Variants in GPBP1 observed in about 807,000 individuals in gnomAD.
GPBP1 encodes the protein vasculin.
In GPBP1, 13 loss-of-function variants were observed where a neutral mutation model predicts 56.5. The ratio of observed to expected loss-of-function variants is 0.23; its 90% CI spans 0.15 to 0.37. GPBP1 has a LOEUF of 0.37. GPBP1 is among the 10% of genes least tolerant of loss of function. GPBP1 has a pLI of 1.00. For missense variants in GPBP1, 477 were observed against 572.3 expected, an observed-to-expected ratio of 0.83 and a Z score of 1.70; for synonymous variants, 204 against 188.9, an observed-to-expected ratio of 1.08 and a Z score of -0.66.
At chr5:57,227,475 T>C (rs907508674) in intron 3 of GPBP1, among the ~76,000 whole-genome samples, 9 of 152,182 alleles carry the variant, frequency 5.9e-5, no homozygotes, top group Non-Finnish European at 1.2e-4. Flanking sequence ...ATTATGGCCA[T>C]GAGACACTGC....
rs1754528085 is a variant in GPBP1, at chr5:57,191,584, ACC to A, written c.-58+15185_-58+15186del. Among the ~76,000 whole-genome samples, 3 of 149,508 alleles carry A rather than the reference ACC, an allele frequency of 2.0e-5. No homozygotes were observed. The South Asian group carries it at 6.3e-4, about 32-fold the overall frequency. Reference sequence around the variant, plus strand: ...TTTTTTTTTTTTTTGTTTGTTTGAGACCGAGTGTCACTCTATCACCAGGCTGG... The same window carrying A: ...TTTTTTTTTTTTTTGTTTGTTTGAGAGAGTGTCACTCTATCACCAGGCTGG... On this transcript the variant is annotated intron_variant, in intron 2 of 11. Transcript: ENST00000506184.
At position 57,246,305 on chromosome 5, in the gene GPBP1, C is replaced by T; in HGVS notation, c.484C>T (p.Pro162Ser). The change falls in exon 7 of 12, where the codon CCT (proline) becomes TCT (serine). Residue 162 changes from proline (P) to serine (S), a missense_variant. Around this residue, in one of 2 missense-constraint regions of GPBP1, gnomAD observed 414 missense variants for 458.2 expected, o/e 0.90. Transcript: ENST00000506184. ...GTCATGCTTTATTTATGCAGAATAT[C>T]CTCCGAATCCTAAATCTAGAGCTCC... The part of the protein sequence containing the change: ...KSLAAGVWEY[P>S]PNPKSRAPRM... The T allele has an allele frequency of 6.2e-7, 1 of 1,609,912 alleles. No homozygotes were observed. The highest frequency in any genetic ancestry group is 1.3e-5 in the African/African-American group (1 of 74,860).
intron 2 of GPBP1, among the ~76,000 whole-genome samples, chr5:57,213,718 T>C (rs934283818): frequency 6.6e-6 from 1 of 152,240 alleles, no homozygotes; most frequent in Non-Finnish European, 1.5e-5. Context: ...TTTTGGGTTA[T>C]ATCAGGAAAC....
intron 3 of GPBP1, among the ~76,000 whole-genome samples, chr5:57,215,597 T>G (rs1299920653): frequency 6.6e-6 from 1 of 152,238 alleles, no homozygotes; most frequent in African/African-American, 2.4e-5. Context: ...CTTACGTATC[T>G]CTTTCTCAGG....
At chr5:57,255,237 C>A (rs1342599205) in intron 10 of GPBP1, among the ~76,000 whole-genome samples, 1 of 152,088 alleles carries the variant, frequency 6.6e-6, no homozygotes, top group East Asian at 1.9e-4. Flanking sequence ...TTCCTCTCCT[C>A]CCCTCTTCCT....
At chr5:57,232,122 T>G (rs896762841) in intron 5 of GPBP1, among the ~76,000 whole-genome samples, 1 of 152,122 alleles carries the variant, frequency 6.6e-6, no homozygotes. Context: ...GGCAGTCCTC[T>G]CTTGTCTCAG....
rs1218503376 is a variant in GPBP1 at position 57,176,067 on chromosome 5, G to A, written c.-391G>A. 1 of 398,364 alleles carries A rather than the reference G, an allele frequency of 2.5e-6. No individual in the cohort carries two copies. The highest frequency in any genetic ancestry group is 2.1e-5 in the African/African-American group (1 of 48,616). The allele number at this position is 398,364 out of a possible 1,614,324, so 24.7% of individuals were successfully genotyped here. A position where few individuals can be genotyped will look rare whatever the true frequency, so the allele number is the denominator to read the frequency against. On this transcript the variant is annotated 5_prime_UTR_variant, in exon 2 of 12. The change creates a new upstream start codon in the 5' untranslated region. Coordinates refer to ENST00000506184, the MANE Select transcript of GPBP1 (RefSeq NM_022913.4). ...TGATGTTTAGGAATGCTCTTCAGAT[G>A]TGAAATTTTCTTTTTGTTTTTGCTT...
chr5:57,187,238 G>A (rs1390131897), intron 2 of GPBP1, among the ~76,000 whole-genome samples: 1 of 152,022 alleles, frequency 6.6e-6, no homozygotes, highest in Non-Finnish European at 1.5e-5. Flanking sequence ...TCTTGAATTC[G>A]TATGTCAATC....
At chr5:57,234,244 T>C (rs1756577207) in intron 5 of GPBP1, among the ~76,000 whole-genome samples, 1 of 152,224 alleles carries the variant, frequency 6.6e-6, no homozygotes, top group Non-Finnish European at 1.5e-5. Flanking sequence ...AGGCAGTTTG[T>C]GTGCTAGGAA....
intron 6 of GPBP1, chr5:57,237,099 AC>A (rs1455483164): frequency 6.6e-7 from 1 of 1,524,182 alleles, no homozygotes; most frequent in Non-Finnish European, 8.9e-7. Context: ...TAGTATTTCT[AC>A]CACTCTCCCC....
At position 57,249,206 on chromosome 5, in the gene GPBP1, ATTGT is replaced by A. The variant is rs1741244288; in HGVS notation, c.805-198_805-195del. On this transcript the variant is annotated intron_variant, in intron 8 of 11. Transcript: ENST00000506184. ...TAGTTCTGAGTATTATCAGACCTTC[ATTGT>A]TTGTGGGATAAGAAAATTATTTTGT... 7 of 458,678 alleles carry A rather than the reference ATTGT, an allele frequency of 1.5e-5. No homozygotes were observed. In the Admixed American group the frequency reaches 2.3e-4, roughly 15 times the overall value. The allele number at this position is 458,678 out of a possible 1,614,324, so 28.4% of individuals were successfully genotyped here.
At chr5:57,227,877 G>A (rs1756266154) in intron 3 of GPBP1, among the ~76,000 whole-genome samples, 2 of 152,094 alleles carry the variant, frequency 1.3e-5, no homozygotes, top group African/African-American at 4.8e-5. Flanking sequence ...AGTAAAATAT[G>A]AGTAAGAAAT....
At chr5:57,250,023 C>CGGA (rs1468402971) in intron 9 of GPBP1, among the ~76,000 whole-genome samples, 1 of 86,740 alleles carries the variant, frequency 1.2e-5, no homozygotes, top group Non-Finnish European at 2.2e-5. Context: ...ATCACCCAAG[C>CGGA]GGAGTGTAAG....
chr5:57,201,996 C>T, intron 2 of GPBP1, among the ~76,000 whole-genome samples: 1 of 152,032 alleles, frequency 6.6e-6, no homozygotes, highest in East Asian at 1.9e-4. Flanking sequence ...GTCAGTCTGG[C>T]TTTGTTTTTT....
At position 57,201,162 on chromosome 5, in the gene GPBP1, A is replaced by G. The variant is rs551132106; in HGVS notation, c.-57-12912A>G. ...TTTAAAAAGTTAAATTCTGTATCGT[A>G]TGAGGTAATTGTTAGGTATTTCTCT... On this transcript the variant is annotated intron_variant, in intron 2 of 11. Coordinates refer to ENST00000506184, the MANE Select transcript of GPBP1 (RefSeq NM_022913.4). 2.6e-5 allele frequency among the ~76,000 whole-genome samples: 4 copies of G among 152,120 alleles called. No individual in the cohort carries two copies. In the South Asian group the frequency reaches 6.2e-4, roughly 24 times the overall value.
chr5:57,199,529 C>G (rs1164827019), intron 2 of GPBP1, among the ~76,000 whole-genome samples: 1 of 151,674 alleles, frequency 6.6e-6, no homozygotes, highest in Non-Finnish European at 1.5e-5. Flanking sequence ...GATTTCTTTT[C>G]TTTTCTTTTT....
chr5:57,251,410 A>G (rs1010713264), intron 10 of GPBP1, among the ~76,000 whole-genome samples: 3 of 152,162 alleles, frequency 2.0e-5, no homozygotes, highest in Non-Finnish European at 2.9e-5. Flanking sequence ...ATAATATAGT[A>G]TGTGATTTTT....
intron 9 of GPBP1, 134 bp downstream of exon 9, chr5:57,249,710 G>A: frequency 1.6e-6 from 1 of 636,372 alleles, no homozygotes; most frequent in Non-Finnish European, 2.5e-6. Flanking sequence ...CATAAATAAT[G>A]ACTTGGCTTC....
chr5:57,261,211 A>G lies in GPBP1; in HGVS notation c.1192A>G (p.Ser398Gly). ...AAAGGAAATGGGCTGGCAGGAAGACAGTGAAAATGATGAAACATGTGCTCC... is the reference window on the plus strand; with the variant it reads ...AAAGGAAATGGGCTGGCAGGAAGACGGTGAAAATGATGAAACATGTGCTCC... ...LLKEMGWQEDSENDETCAPLT... is the reference protein window; with the variant it reads ...LLKEMGWQEDGENDETCAPLT... The change falls in exon 11 of 12, where the codon AGT becomes GGT. Residue 398 changes from serine to glycine, a missense_variant. This residue lies in a region of GPBP1 where 63 missense variants were observed against 114.0 expected (regional missense o/e 0.55). Transcript: ENST00000506184. 1.2e-6 allele frequency: 2 copies of G among 1,612,988 alleles called. No homozygotes were observed. Among genetic ancestry groups the G allele is most frequent in the Non-Finnish European group, 1.7e-6 (2 of 1,179,004 alleles).
Sources: gnomAD v4.1 joint callset for allele counts (sites outside exome capture counted in the v4.1 genomes callset) on GRCh38, gnomAD v4.1.1 for gene constraint, gnomAD v4.1.1 regional missense constraint, MANE v1.5 for transcripts, NCBI Gene and HGNC (gene_info 2026-07-23, HGNC 2026-07-21) for gene names.